The following BCDIN3D variants were observed in gnomAD, a reference collection of about 807,000 sequenced individuals.
BCDIN3D encodes RNA 5'-monophosphate methyltransferase.
In BCDIN3D, 15 loss-of-function variants were observed where a neutral mutation model predicts 21.2. The observed-to-expected ratio is 0.71, with a 90% CI of 0.47 to 1.09. The LOEUF is 1.09. Among genes scored for constraint, BCDIN3D ranks in the 50% least tolerant of loss-of-function variants. BCDIN3D has a pLI of 0.00. For missense variants in BCDIN3D, 331 were observed against 366.2 expected, an observed-to-expected ratio of 0.90 and a Z score of 0.79; for synonymous variants, 127 against 141.9, an observed-to-expected ratio of 0.90 and a Z score of 0.75.
chr12:49,838,352 GTCT>G lies in BCDIN3D; in HGVS notation c.*16_*18del, dbSNP rs530124531. The G allele has an allele frequency of 1.9e-4, 304 of 1,587,052 alleles. 3 individuals are homozygous for G. In the South Asian group the frequency reaches 3.3e-3, roughly 17 times the overall value. On this transcript the variant is annotated 3_prime_UTR_variant, in exon 2 of 2. Transcript: ENST00000333924. ...TAAAACCCTTTCAATATCTTTCTTG[GTCT>G]TCTTGCCCTCCCATCTCACTGCTTC...
chr12:49,841,272 G>A (rs1265572266), intron 1 of BCDIN3D: 1 of 152,192 alleles, frequency 6.6e-6, no homozygotes, highest in Non-Finnish European at 1.5e-5. Context: ...ACTGTGTGGG[G>A]GAAAAGGAGG....
chr12:49,841,074 T>A (rs961607750), intron 1 of BCDIN3D: 1 of 151,540 alleles, frequency 6.6e-6, no homozygotes, highest in Admixed American at 6.6e-5. Flanking sequence ...CCATAAATTA[T>A]GGTACATCTA....
In BCDIN3D at chr12:49,838,618, C is replaced by G. The variant is rs372331337; in HGVS notation, c.632G>C (p.Arg211Pro). The change falls in exon 2 of 2, where the codon CGA becomes CCA. Residue 211 changes from arginine (R) to proline (P), a missense_variant. Coordinates refer to ENST00000333924, the MANE Select transcript of BCDIN3D (RefSeq NM_181708.3). ...KCYRAAARRL[R>P]KLGLHDFDHF... ...GTCAAAATCATGGAGTCCCAGCTTT[C>G]GGAGACGCCTTGCAGCTGCCCGGTA... 6 of 1,613,754 alleles carry G rather than the reference C, an allele frequency of 3.7e-6. No individual in the cohort carries two copies. In the South Asian group the frequency reaches 4.4e-5, roughly 12 times the overall value.
At chr12:49,841,076 G>C (rs762198557) in intron 1 of BCDIN3D, 4 of 151,862 alleles carry the variant, frequency 2.6e-5, no homozygotes, top group Non-Finnish European at 5.9e-5. Context: ...ATAAATTATG[G>C]TACATCTATC....
chr12:49,839,007 A>T lies in BCDIN3D; in HGVS notation c.243T>A (p.Ser81Arg), dbSNP rs1170130734. The change falls in exon 2 of 2, where the codon AGT (serine) becomes AGA (arginine). Residue 81 changes from serine to arginine, a missense_variant. Ser to Arg is a moderately radical substitution (Grantham distance 110). Transcript: ENST00000333924. ...LDVGCNSGDL[S>R]VALYKHFLSL... ...AGAGGAAGTGTTTGTATAGAGCCAC[A>T]CTCAGATCCTAGAGGAATCCAAAAC... 2 of 1,612,150 alleles carry T rather than the reference A, an allele frequency of 1.2e-6. No homozygotes were observed. The highest frequency in any genetic ancestry group is 1.7e-6 in the Non-Finnish European group (2 of 1,179,254).
chr12:49,837,285 G>GTTTTTTTTTTTTTTTTTT lies in BCDIN3D; in HGVS notation c.*1068_*1085dup, dbSNP rs1185335433. Reference sequence around the variant, plus strand: ...CATGTAGGTAGTTGTTTTTTTTTTTGTTTTTTTTTTTTTTTTTTTTGAGAC... The same window carrying GTTTTTTTTTTTTTTTTTT: ...CATGTAGGTAGTTGTTTTTTTTTTTGTTTTTTTTTTTTTTTTTTTTTTTTTTTTTTTTTTTTTTGAGAC... On this transcript the variant is annotated 3_prime_UTR_variant, in exon 2 of 2. Transcript: ENST00000333924. 5.4e-5 allele frequency: 5 copies of GTTTTTTTTTTTTTTTTTT among 91,912 alleles called. No homozygotes were observed. Among genetic ancestry groups the GTTTTTTTTTTTTTTTTTT allele is most frequent in the Admixed American group, 1.2e-4 (1 of 8,054 alleles). 5.7% of individuals were successfully genotyped at this position (91,912 alleles called of 1,614,324 possible). A position where few individuals can be genotyped will look rare whatever the true frequency, so the allele number is the denominator to read the frequency against.
chr12:49,842,008 C>T (rs1040280745), intron 1 of BCDIN3D, among the ~76,000 whole-genome samples: 3 of 152,220 alleles, frequency 2.0e-5, no homozygotes, highest in Non-Finnish European at 4.4e-5. Flanking sequence ...GTGGCAGTGC[C>T]GCCCTTCTCC....
In BCDIN3D at chr12:49,838,272, T is replaced by G. The variant is rs557850112; in HGVS notation, c.*99A>C. On this transcript the variant is annotated 3_prime_UTR_variant, in exon 2 of 2. Coordinates refer to ENST00000333924, the MANE Select transcript of BCDIN3D (RefSeq NM_181708.3). ...CATTTTACCAAAAGCTCCTGCCAGG[T>G]TTTGCGGCTGCCTGATTGTTAAGGA... is the stretch of plus-strand genomic sequence containing the variant. 49 of 1,294,472 alleles carry G rather than the reference T, an allele frequency of 3.8e-5. No individual in the cohort carries two copies. The Middle Eastern group carries it at 8.9e-4, about 24-fold the overall frequency. The allele number at this position is 1,294,472 out of a possible 1,614,324, so 80.2% of individuals were successfully genotyped here. A position where few individuals can be genotyped will look rare whatever the true frequency, so the allele number is the denominator to read the frequency against.
chr12:49,838,181 T>C lies in BCDIN3D; in HGVS notation c.*190A>G. ...CCTAGCTCATCACTCCACAGATTCA[T>C]TCTCCTCAAGATTTGTTCCAAACAA... is the stretch of plus-strand genomic sequence containing the variant. On this transcript the variant is annotated 3_prime_UTR_variant, in exon 2 of 2. Coordinates refer to ENST00000333924, the MANE Select transcript of BCDIN3D (RefSeq NM_181708.3). The C allele has an allele frequency of 1.6e-6, 1 of 611,936 alleles. No individual in the cohort carries two copies. Among genetic ancestry groups the C allele is most frequent in the Non-Finnish European group, 2.8e-6 (1 of 356,632 alleles). The allele number at this position is 611,936 out of a possible 1,614,324, so 37.9% of individuals were successfully genotyped here. A position where few individuals can be genotyped will look rare whatever the true frequency, so the allele number is the denominator to read the frequency against.
In BCDIN3D at chr12:49,838,756, G is replaced by C; in HGVS notation, c.494C>G (p.Ser165Ter). 6.2e-7 allele frequency: 1 copy of C among 1,614,212 alleles called. No individual in the cohort carries two copies. The highest frequency in any genetic ancestry group is 1.1e-5 in the South Asian group (1 of 91,074). ...RSVFDIGFCM[S>*]ITMWIHLNHG... ...ATTCAGATGAATCCACATGGTTATT[G>C]ACATGCAGAAGCCAATGTCAAAAAC... The change falls in exon 2 of 2, where the codon TCA (serine) becomes TGA (stop). Residue 165 changes from serine to a stop codon, truncating the protein, a stop_gained. Coordinates refer to ENST00000333924, the MANE Select transcript of BCDIN3D (RefSeq NM_181708.3). LOFTEE classifies it high-confidence loss of function.
rs1465846977 is a variant in BCDIN3D at position 49,837,273 on chromosome 12, G to GTTTT, written c.*1094_*1097dup. On this transcript the variant is annotated 3_prime_UTR_variant, in exon 2 of 2. Coordinates refer to ENST00000333924, the MANE Select transcript of BCDIN3D (RefSeq NM_181708.3). The stretch of plus-strand genomic sequence containing the variant: ...GGGGACCATAAGCATGTAGGTAGTT[G>GTTTT]TTTTTTTTTTTGTTTTTTTTTTTTT... 251 of 122,738 alleles carry GTTTT rather than the reference G, an allele frequency of 2.0e-3. 10 individuals carry two copies. The highest frequency in any genetic ancestry group is 7.1e-3 in the African/African-American group (235 of 32,890). 7.6% of individuals were successfully genotyped at this position (122,738 alleles called of 1,614,324 possible). A position where few individuals can be genotyped will look rare whatever the true frequency, so the allele number is the denominator to read the frequency against.
rs1249381460 is a variant in BCDIN3D, at chr12:49,837,309, A to T, written c.*1062T>A. ...TGTTTTTTTTTTTTTTTTTTTTGAG[A>T]CGGAGTCTCGCTCTGTCGCCCAGGC... On this transcript the variant is annotated 3_prime_UTR_variant, in exon 2 of 2. Transcript: ENST00000333924. 1 of 99,258 alleles carries T rather than the reference A, an allele frequency of 1.0e-5. No homozygotes were observed. 6.1% of individuals were successfully genotyped at this position (99,258 alleles called of 1,614,324 possible). A position where few individuals can be genotyped will look rare whatever the true frequency, so the allele number is the denominator to read the frequency against.
At chr12:49,839,160 G>GC in intron 1 of BCDIN3D, 145 bp from the exon 2 acceptor site, 1 of 940,080 alleles carries the variant, frequency 1.1e-6, no homozygotes, top group Non-Finnish European at 1.5e-6. Flanking sequence ...AAGAGGTTGT[G>GC]CAAAAATTTT....
chr12:49,843,080 A>T lies in BCDIN3D; in HGVS notation c.8T>A (p.Val3Glu). Reference sequence around the variant, plus strand: ...ACTCCCTCCATCCAGTTCCGTGGGCACCGCCATTAGCCTCAACACAGCCTC... The same window carrying T: ...ACTCCCTCCATCCAGTTCCGTGGGCTCCGCCATTAGCCTCAACACAGCCTC... MA[V>E]PTELDGGSVK... The change falls in exon 1 of 2, where the codon GTG (valine) becomes GAG (glutamate). Residue 3 changes from valine to glutamate, a missense_variant. Transcript: ENST00000333924. The T allele has an allele frequency of 6.2e-7, 1 of 1,612,608 alleles. No homozygotes were observed. The highest frequency in any genetic ancestry group is 8.5e-7 in the Non-Finnish European group (1 of 1,179,354).
Position 49,838,012 on chromosome 12 carries a change from G to T in BCDIN3D, c.*359C>A, listed in dbSNP as rs1006941129. ...GGCCTAGCAAGTCCAGAAGCCTGAA[G>T]AAACCAGGTAGGATTCAGAGAGCCC... On this transcript the variant is annotated 3_prime_UTR_variant, in exon 2 of 2. Transcript: ENST00000333924. 2 of 171,468 alleles carry T rather than the reference G, an allele frequency of 1.2e-5. No homozygotes were observed. Among genetic ancestry groups the T allele is most frequent in the African/African-American group, 4.8e-5 (2 of 41,950 alleles). 10.6% of individuals were successfully genotyped at this position (171,468 alleles called of 1,614,324 possible).
At chr12:49,840,991 T>A (rs1946548934) in intron 1 of BCDIN3D, 1 of 151,852 alleles carries the variant, frequency 6.6e-6, no homozygotes, top group Non-Finnish European at 1.5e-5. Flanking sequence ...CTGGCTAATT[T>A]TTTTTAGAGA....
chr12:49,838,596 A>G lies in BCDIN3D; in HGVS notation c.654T>C (p.Phe218=), dbSNP rs1442759956. ...GGATGGCAAGGGAGTGGAAGTGGTC[A>G]AAATCATGGAGTCCCAGCTTTCGGA... The part of the protein sequence containing the change: ...RRLRKLGLHD[F]DHFHSLAIRG... Residue 218 remains phenylalanine, a synonymous_variant, in exon 2 of 2, where the codon TTT becomes TTC. Transcript: ENST00000333924. 6.8e-6 allele frequency: 11 copies of G among 1,613,976 alleles called. No individual in the cohort carries two copies. Among genetic ancestry groups the G allele is most frequent in the South Asian group, 3.3e-5 (3 of 91,080 alleles).
chr12:49,841,357 C>T (rs1946552318), intron 1 of BCDIN3D, among the ~76,000 whole-genome samples: 1 of 152,028 alleles, frequency 6.6e-6, no homozygotes, highest in Non-Finnish European at 1.5e-5. Context: ...TTTTATCAAG[C>T]GCAAGCATTT....
intron 1 of BCDIN3D, chr12:49,841,186 AG>A (rs1946550828): frequency 6.6e-6 from 1 of 152,232 alleles, no homozygotes; most frequent in Non-Finnish European, 1.5e-5. Flanking sequence ...TAAAACTAAA[AG>A]GGGGGTACTT....
Sources: gnomAD v4.1 joint callset for allele counts (sites outside exome capture counted in the v4.1 genomes callset) on GRCh38, gnomAD v4.1.1 for gene constraint, MANE v1.5 for transcripts, NCBI Gene and HGNC (gene_info 2026-07-23, HGNC 2026-07-21) for gene names.